The following PLB1 variants were observed in gnomAD, a reference collection of about 807,000 sequenced individuals.
PLB1 encodes phospholipase B1, membrane-associated.
In PLB1, 242 loss-of-function variants were observed where a neutral mutation model predicts 227.4. The ratio of observed to expected loss-of-function variants is 1.06; its 90% CI spans 0.96 to 1.18. The LOEUF is 1.18. PLB1 is among the 50% of genes most tolerant of loss of function. The pLI is 0.00. For synonymous variants in PLB1, 757 were observed against 682.2 expected (o/e 1.11, Z -1.71); for missense variants, 1,858 against 1,816.3 (o/e 1.02, Z -0.42).
intron 26 of PLB1, among the ~76,000 whole-genome samples, chr2:28,586,890 G>GGT (rs1680992658): frequency 6.6e-6 from 1 of 152,134 alleles, no homozygotes; most frequent in African/African-American, 2.4e-5. Context: ...TGGGACTACA[G>GGT]GTGTGTGCCA....
rs550365625 is a variant in PLB1 at position 28,543,361 on chromosome 2, G to A, written c.936+93G>A. The A allele has an allele frequency of 2.4e-4, 327 of 1,354,618 alleles. 2 individuals are homozygous for A. Among genetic ancestry groups the A allele is most frequent in the Non-Finnish European group, 2.9e-4 (287 of 988,394 alleles). 83.9% of individuals were successfully genotyped at this position (1,354,618 alleles called of 1,614,324 possible). A position where few individuals can be genotyped will look rare whatever the true frequency, so the allele number is the denominator to read the frequency against. ...CCGTGCTGAGGAGGGGCTGCAGGGC[G>A]CCCCAGGATCCCAGGACAATGGTTC... On this transcript the variant is annotated intron_variant, in intron 14 of 57. Coordinates refer to ENST00000327757, the MANE Select transcript of PLB1 (RefSeq NM_153021.5).
At chr2:28,590,191 C>T in intron 29 of PLB1, 115 bp downstream of exon 29, 1 of 908,048 alleles carries the variant, frequency 1.1e-6, no homozygotes, top group Non-Finnish European at 1.8e-6. Flanking sequence ...CCATTTTATA[C>T]TCCAGGGTTA....
chr2:28,545,894 C>G (rs1673182514), intron 14 of PLB1, among the ~76,000 whole-genome samples: 1 of 152,116 alleles, frequency 6.6e-6, no homozygotes, highest in African/African-American at 2.4e-5. Flanking sequence ...AGTCCAGGTC[C>G]ATTACTCTGT....
chr2:28,560,754 A>G (rs1316695152), intron 17 of PLB1, among the ~76,000 whole-genome samples: 2 of 152,234 alleles, frequency 1.3e-5, no homozygotes, highest in Non-Finnish European at 2.9e-5. Context: ...ATATTATTCT[A>G]TTTACATGAA....
chr2:28,566,746 C>A, intron 19 of PLB1, 50 bp from the exon 20 acceptor site: 9 of 1,599,498 alleles, frequency 5.6e-6, no homozygotes, highest in Non-Finnish European at 7.7e-6. Flanking sequence ...AGGGTCTCGG[C>A]GTGGCTGGGA....
intron 29 of PLB1, among the ~76,000 whole-genome samples, chr2:28,590,852 AAG>A (rs1681784303): frequency 6.6e-6 from 1 of 152,096 alleles, no homozygotes; most frequent in Admixed American, 6.5e-5. Flanking sequence ...AGGGTGGAGA[AAG>A]AGAGGCAGCA....
chr2:28,499,499 G>A (rs968853369), intron 1 of PLB1, among the ~76,000 whole-genome samples: 1 of 149,892 alleles, frequency 6.7e-6, no homozygotes. Context: ...TTATCTTACT[G>A]TGCCGGCTGG....
rs373274049 is a variant in PLB1 at position 28,642,869 on chromosome 2, C to T, written c.4185C>T (p.Tyr1395=). ...CTCCTCCTCCACAGGAGAGCCCTTA[C>T]CTCTACACCCTGCGGAACAGCCGAT... ...KLKCPSPESP[Y]LYTLRNSRLL... is the part of the protein sequence containing the mutation. The change falls in exon 58 of 58, where the codon TAC becomes TAT. Residue 1395 remains tyrosine (Y), a synonymous_variant. Transcript: ENST00000327757. The T allele has an allele frequency of 6.2e-7, 1 of 1,600,928 alleles. No homozygotes were observed. Among genetic ancestry groups the T allele is most frequent in the Non-Finnish European group, 8.5e-7 (1 of 1,173,300 alleles).
intron 49 of PLB1, among the ~76,000 whole-genome samples, chr2:28,624,392 G>A (rs116171572): frequency 0.017 from 2,269 of 133,420 alleles, 48 homozygotes; most frequent in African/African-American, 0.055. Context: ...CCAATAGTTC[G>A]TCCCTTTTTA....
intron 29 of PLB1, among the ~76,000 whole-genome samples, chr2:28,590,825 C>G (rs774379350): frequency 5.9e-5 from 9 of 152,096 alleles, no homozygotes; most frequent in Non-Finnish European, 1.0e-4. Context: ...GAAAGAGGTG[C>G]ATGGTTGGAA....
intron 26 of PLB1, among the ~76,000 whole-genome samples, chr2:28,587,520 G>A (rs544918795): frequency 2.8e-4 from 43 of 152,232 alleles, no homozygotes; most frequent in African/African-American, 1.0e-3. Flanking sequence ...TGAGGTGGGA[G>A]GATCACTTGA....
rs3071740 is a variant in PLB1 at position 28,601,469 on chromosome 2, C to CCACACACACACACACACA, written c.2607+151_2607+168dup. On this transcript the variant is annotated intron_variant, in intron 37 of 57. Transcript: ENST00000327757. ...ACCTATGTCTGCACATATACACATACCACACACACACACACACACACACAC... is the reference window on the plus strand; with the variant it reads ...ACCTATGTCTGCACATATACACATACCACACACACACACACACACACACACACACACACACACACACAC... The CCACACACACACACACACA allele has an allele frequency of 9.2e-5, 55 of 600,268 alleles. No individual in the cohort carries two copies. The African/African-American group carries it at 9.2e-4, about 10-fold the overall frequency. The allele number at this position is 600,268 out of a possible 1,614,324, so 37.2% of individuals were successfully genotyped here. A position where few individuals can be genotyped will look rare whatever the true frequency, so the allele number is the denominator to read the frequency against.
chr2:28,555,555 T>C (rs181596242), intron 17 of PLB1, among the ~76,000 whole-genome samples: 228 of 152,348 alleles, frequency 1.5e-3, no homozygotes, highest in African/African-American at 5.3e-3. Context: ...CATATATTTC[T>C]GGTGAGGTCA....
chr2:28,578,848 T>C (rs989994221), intron 22 of PLB1, among the ~76,000 whole-genome samples: 3 of 152,184 alleles, frequency 2.0e-5, no homozygotes, highest in Non-Finnish European at 4.4e-5. Flanking sequence ...TGTCAAACTT[T>C]CCTGGATCTT....
intron 13 of PLB1, among the ~76,000 whole-genome samples, chr2:28,542,027 G>T (rs1672569108): frequency 6.6e-6 from 1 of 152,066 alleles, no homozygotes. Flanking sequence ...CAGCTACTCT[G>T]GAGGCTGAGG....
In PLB1 at chr2:28,591,037, C is replaced by A. The variant is rs368046876; in HGVS notation, c.2089-96C>A. 9.3e-4 allele frequency: 1,382 copies of A among 1,492,276 alleles called. 27 individuals are homozygous for A. In the South Asian group the frequency reaches 0.015, roughly 16 times the overall value. 92.4% of individuals were successfully genotyped at this position (1,492,276 alleles called of 1,614,324 possible). ...GGCTTGGGACACAGGGCAGGCAGGCCGCAGCTGTTTGTGCCAGGCCGACAC... is the reference window on the plus strand; with the variant it reads ...GGCTTGGGACACAGGGCAGGCAGGCAGCAGCTGTTTGTGCCAGGCCGACAC... On this transcript the variant is annotated intron_variant, in intron 29 of 57. Coordinates refer to ENST00000327757, the MANE Select transcript of PLB1 (RefSeq NM_153021.5).
At chr2:28,565,392 T>G (rs1438399636) in intron 19 of PLB1, 39 bp downstream of exon 19, 1 of 1,559,764 alleles carries the variant, frequency 6.4e-7, no homozygotes, top group Non-Finnish European at 8.7e-7. Context: ...GGCCCCTTCA[T>G]TGCAGAGCAA....
At position 28,566,781 on chromosome 2, in the gene PLB1, GGACCCACGTTACA is replaced by G; in HGVS notation, c.1281-13_1281-1del. On this transcript the variant is annotated splice_acceptor_variant and splice_polypyrimidine_tract_variant and intron_variant, in intron 19 of 57. Transcript: ENST00000327757. LOFTEE classifies it high-confidence loss of function. Reference sequence around the variant, plus strand: ...ATTTTAACCCTTCATTTTCTTTCTTGGACCCACGTTACAGCGTCGGCGGAGATGAGAACATCGG... The same window carrying G: ...ATTTTAACCCTTCATTTTCTTTCTTGGCGTCGGCGGAGATGAGAACATCGG... 1 of 1,613,908 alleles carries G rather than the reference GGACCCACGTTACA, an allele frequency of 6.2e-7. No homozygotes were observed.
intron 26 of PLB1, 107 bp downstream of exon 26, chr2:28,585,949 T>G (rs1348310790): frequency 1.0e-6 from 1 of 990,466 alleles, no homozygotes; most frequent in African/African-American, 1.6e-5. Flanking sequence ...GTGTGGGGGA[T>G]GACCACTGAC....
Sources: gnomAD v4.1 joint callset for allele counts (sites outside exome capture counted in the v4.1 genomes callset) on GRCh38, gnomAD v4.1.1 for gene constraint, MANE v1.5 for transcripts, NCBI Gene and HGNC (gene_info 2026-07-23, HGNC 2026-07-21) for gene names.